The following PLEKHA5 variants were observed in gnomAD, a reference collection of about 807,000 sequenced individuals.
The protein encoded by PLEKHA5 is pleckstrin homology domain containing A5, also known as pleckstrin homology domain-containing family A member 5.
A neutral mutation model predicts 181.9 loss-of-function variants in PLEKHA5; 55 were observed. The ratio of observed to expected loss-of-function variants is 0.30; its 90% CI spans 0.24 to 0.38. PLEKHA5 has a LOEUF of 0.38. Among genes scored for constraint, PLEKHA5 ranks in the 10% least tolerant of loss-of-function variants. The pLI is 1.00. For synonymous variants in PLEKHA5, 535 were observed against 529.4 expected (o/e 1.01, Z -0.15); for missense variants, 1,432 against 1,549.5 (o/e 0.92, Z 1.27).
At chr12:19,260,326 T>A (rs1398312437) in intron 6 of PLEKHA5, among the ~76,000 whole-genome samples, 1 of 152,228 alleles carries the variant, frequency 6.6e-6, no homozygotes, top group Non-Finnish European at 1.5e-5. Context: ...TGCTGCATGG[T>A]TACATTATTC....
At position 19,283,602 on chromosome 12, in the gene PLEKHA5, T is replaced by C. The variant is rs1592317443; in HGVS notation, c.1636T>C (p.Ser546Pro). 1 of 1,614,122 alleles carries C rather than the reference T, an allele frequency of 6.2e-7. No individual in the cohort carries two copies. The highest frequency in any genetic ancestry group is 8.5e-7 in the Non-Finnish European group (1 of 1,179,984). Residue 546 changes from serine to proline, a missense_variant, in exon 12 of 32, where the codon TCT (serine) becomes CCT (proline). Transcript: ENST00000429027. The part of the protein sequence containing the change: ...MVNISDQTMH[S>P]IPTSPSHGSI... Reference sequence around the variant, plus strand: ...AAATATTTCTGACCAGACAATGCACTCTATTCCCACATCACCTTCCCACGG... The same window carrying C: ...AAATATTTCTGACCAGACAATGCACCCTATTCCCACATCACCTTCCCACGG...
chr12:19,290,859 A>G, intron 14 of PLEKHA5, 63 bp downstream of exon 14: 4 of 1,421,382 alleles, frequency 2.8e-6, no homozygotes, highest in Non-Finnish European at 3.8e-6. Flanking sequence ...AACACTCATC[A>G]GTCAATATGA....
chr12:19,346,949 T>C (rs1178903170), intron 23 of PLEKHA5, 45 bp from the exon 24 acceptor site: 19 of 1,299,132 alleles, frequency 1.5e-5, no homozygotes, highest in Non-Finnish European at 1.9e-5. Context: ...ATATGCTTAA[T>C]TCAATCTGCT....
At position 19,347,125 on chromosome 12, in the gene PLEKHA5, G is replaced by T. The variant is rs1265946690; in HGVS notation, c.2841G>T (p.Leu947=). 6.5e-7 allele frequency: 1 copy of T among 1,550,234 alleles called. No homozygotes were observed. Among genetic ancestry groups the T allele is most frequent in the Non-Finnish European group, 8.7e-7 (1 of 1,146,092 alleles). The change falls in exon 24 of 32, where the codon CTG becomes CTT. Residue 947 remains leucine (L), a synonymous_variant. Transcript: ENST00000429027. ...LLCYSRGPVH[L]PEEKKMYQVQ... ...GTTATAGCAGGGGCCCAGTTCATCT[G>T]CCTGAAGAAAAGAAGATGTATCAAG...
intron 28 of PLEKHA5, among the ~76,000 whole-genome samples, chr12:19,359,999 CTTTCT>C (rs2095145939): frequency 6.6e-6 from 1 of 151,232 alleles, no homozygotes; most frequent in Non-Finnish European, 1.5e-5. Flanking sequence ...AAAAATTAAG[CTTTCT>C]TTAGTTTGAT....
In PLEKHA5 at chr12:19,130,294, C is replaced by A. The variant is rs1474169881; in HGVS notation, c.169+164C>A. On this transcript the variant is annotated intron_variant, in intron 2 of 31. Transcript: ENST00000429027. The surrounding 1 kb of genome is among the most constrained non-coding windows in gnomAD (Gnocchi z 4.5). ...GCAGGTAGAGGGGCCACGGGGACTCCGCCGCCGGGAGTTCTCTCCAGTCTC... is the reference window on the plus strand; with the variant it reads ...GCAGGTAGAGGGGCCACGGGGACTCAGCCGCCGGGAGTTCTCTCCAGTCTC... Among the ~76,000 whole-genome samples the A allele has an allele frequency of 4.6e-5, 7 of 151,878 alleles. No homozygotes were observed. Among genetic ancestry groups the A allele is most frequent in the Admixed American group, 1.3e-4 (2 of 15,268 alleles).
At chr12:19,306,619 C>CGGCGGTGGA (rs1181677230) in intron 15 of PLEKHA5, 2 of 1,010,052 alleles carry the variant, frequency 2.0e-6, no homozygotes, top group Non-Finnish European at 3.1e-6. Flanking sequence ...GAGGTGGTGG[C>CGGCGGTGGA]GGCGGTGGAG....
intron 3 of PLEKHA5, among the ~76,000 whole-genome samples, chr12:19,226,217 T>G (rs1049434284): frequency 6.6e-6 from 1 of 152,176 alleles, no homozygotes; most frequent in Non-Finnish European, 1.5e-5. Flanking sequence ...TGTCTAGCTT[T>G]TTTCACTTAG....
At chr12:19,190,997 G>A (rs1026594196) in intron 3 of PLEKHA5, among the ~76,000 whole-genome samples, 1 of 152,154 alleles carries the variant, frequency 6.6e-6, no homozygotes, top group Non-Finnish European at 1.5e-5. Flanking sequence ...TTCCTATGAT[G>A]TAAACATATT....
chr12:19,345,796 AT>A, intron 22 of PLEKHA5, 45 bp from the exon 23 acceptor site: 1 of 922,946 alleles, frequency 1.1e-6, no homozygotes, highest in South Asian at 1.5e-5. Context: ...TTTTTATAGT[AT>A]TAGAAAGATA....
At chr12:19,137,113 A>G (rs762477580) in intron 3 of PLEKHA5, among the ~76,000 whole-genome samples, 11 of 151,886 alleles carry the variant, frequency 7.2e-5, no homozygotes, top group Non-Finnish European at 1.5e-4. Flanking sequence ...AGCTCACGCA[A>G]CGTCCACCTC....
At chr12:19,204,066 C>T (rs1291898249) in intron 3 of PLEKHA5, among the ~76,000 whole-genome samples, 3 of 151,962 alleles carry the variant, frequency 2.0e-5, no homozygotes, top group African/African-American at 7.3e-5. Context: ...TTAGCTGTTT[C>T]CATGGGATGG....
At chr12:19,135,957 G>A (rs930790867) in intron 3 of PLEKHA5, among the ~76,000 whole-genome samples, 2 of 146,744 alleles carry the variant, frequency 1.4e-5, no homozygotes, top group Non-Finnish European at 3.0e-5. Flanking sequence ...ACAACACACT[G>A]CAGCCTTGAC....
chr12:19,232,996 C>T (rs912760485), intron 3 of PLEKHA5, among the ~76,000 whole-genome samples: 2 of 152,054 alleles, frequency 1.3e-5, no homozygotes, highest in African/African-American at 4.8e-5. Context: ...TGAAACCTAC[C>T]TCAGGTAATC....
rs761090133 is a variant in PLEKHA5, at chr12:19,269,871, A to G, written c.813A>G (p.Thr271=). ...KAMLDAALVQ[T]EPVKRITFNF... ...TGTTAGATGCTGCCCTAGTACAGACAGAACCTGTGAAAAGGTAAAGGCTTG... is the reference window on the plus strand; with the variant it reads ...TGTTAGATGCTGCCCTAGTACAGACGGAACCTGTGAAAAGGTAAAGGCTTG... The change falls in exon 9 of 32, where the codon ACA becomes ACG. Residue 271 remains threonine, a synonymous_variant. Coordinates refer to ENST00000429027, the MANE Select transcript of PLEKHA5 (RefSeq NM_001256470.2). The G allele has an allele frequency of 6.4e-6, 10 of 1,563,566 alleles. No homozygotes were observed. The highest frequency in any genetic ancestry group is 8.8e-6 in the Non-Finnish European group (10 of 1,134,710).
chr12:19,354,182 C>T lies in PLEKHA5; in HGVS notation c.3138+180C>T, dbSNP rs577768282. Among the ~76,000 whole-genome samples the T allele has an allele frequency of 4.2e-4, 36 of 86,530 alleles. No individual in the cohort carries two copies. The South Asian group carries it at 0.011, about 27-fold the overall frequency. The allele number at this position is 86,530 out of a possible 152,430, so 56.8% of individuals were successfully genotyped here. A position where few individuals can be genotyped will look rare whatever the true frequency, so the allele number is the denominator to read the frequency against. ...TTTTTTTTTTTTTGAGACGGAGTCT[C>T]GCTCTGTCGCCCAGGCTGGAGTGCT... is the stretch of plus-strand genomic sequence containing the variant. On this transcript the variant is annotated intron_variant, in intron 26 of 31. Transcript: ENST00000429027.
chr12:19,133,018 T>G (rs2034476788), intron 3 of PLEKHA5, among the ~76,000 whole-genome samples: 1 of 151,564 alleles, frequency 6.6e-6, no homozygotes, highest in Non-Finnish European at 1.5e-5. Context: ...TAGGCACAAT[T>G]TGATAAACAA....
At chr12:19,344,744 T>C (rs2094192340) in intron 22 of PLEKHA5, among the ~76,000 whole-genome samples, 1 of 152,148 alleles carries the variant, frequency 6.6e-6, no homozygotes, top group Non-Finnish European at 1.5e-5. Flanking sequence ...ATTTGTTGCC[T>C]TTTTAATGTA....
intron 5 of PLEKHA5, among the ~76,000 whole-genome samples, chr12:19,256,485 A>G (rs1326975364): frequency 2.0e-5 from 3 of 152,210 alleles, no homozygotes; most frequent in African/African-American, 7.2e-5. Context: ...GCTGGAGCCC[A>G]AGAGTGAGTA....
Sources: gnomAD v4.1 joint callset for allele counts (sites outside exome capture counted in the v4.1 genomes callset) on GRCh38, gnomAD v4.1.1 for gene constraint, Gnocchi (gnomAD v3.1) non-coding constraint, MANE v1.5 for transcripts, NCBI Gene and HGNC (gene_info 2026-07-23, HGNC 2026-07-21) for gene names.